Variants in FBXL7 observed in about 807,000 individuals in gnomAD.
FBXL7 encodes F-box/LRR-repeat protein 7.
A neutral mutation model predicts 38.3 loss-of-function variants in FBXL7; 12 were observed. The ratio of observed to expected loss-of-function variants is 0.31; its 90% CI spans 0.20 to 0.51. FBXL7 has a LOEUF of 0.51. FBXL7 is among the 20% of genes least tolerant of loss of function. The pLI is 0.98. For synonymous variants in FBXL7, 297 were observed against 300.9 expected, an observed-to-expected ratio of 0.99 and a Z score of 0.13; for missense variants, 567 against 676.4, an observed-to-expected ratio of 0.84 and a Z score of 1.79.
At position 15,928,765 on chromosome 5, in the gene FBXL7, A is replaced by G. The variant is rs925151490; in HGVS notation, c.739+264A>G. Among the ~76,000 whole-genome samples, 1 of 152,158 alleles carries G rather than the reference A, an allele frequency of 6.6e-6. No homozygotes were observed. Among genetic ancestry groups the G allele is most frequent in the Non-Finnish European group, 1.5e-5 (1 of 68,042 alleles). ...TTTAGGGTACATGTGCACAACGTGC[A>G]GGTTAGTTACATATGTATACATGTG... On this transcript the variant is annotated intron_variant, in intron 3 of 3. Coordinates refer to ENST00000504595, the MANE Select transcript of FBXL7 (RefSeq NM_012304.5). The surrounding 1 kb of genome is among the most constrained non-coding windows in gnomAD (Gnocchi z 4.0).
intron 2 of FBXL7, 31 bp downstream of exon 2, chr5:15,616,103 C>T (rs1253368871): frequency 6.7e-7 from 1 of 1,489,588 alleles, no homozygotes; most frequent in Admixed American, 1.7e-5. Flanking sequence ...ATCTCTCTTT[C>T]TTCTTCACAG....
intron 2 of FBXL7, among the ~76,000 whole-genome samples, chr5:15,903,540 G>A (rs950686964): frequency 1.3e-5 from 2 of 152,102 alleles, no homozygotes; most frequent in African/African-American, 4.8e-5. Flanking sequence ...TATGCTTTTA[G>A]TTCTTAATTT....
At chr5:15,626,467 G>A (rs558971750) in intron 2 of FBXL7, among the ~76,000 whole-genome samples, 20 of 152,054 alleles carry the variant, frequency 1.3e-4, no homozygotes, top group African/African-American at 4.6e-4. Flanking sequence ...TTAATTTCTT[G>A]AGGGAATTAT....
At chr5:15,607,945 G>T (rs544608718) in intron 1 of FBXL7, among the ~76,000 whole-genome samples, 2 of 152,266 alleles carry the variant, frequency 1.3e-5, no homozygotes, top group South Asian at 4.1e-4. Context: ...TTACTTTACC[G>T]AATCTGACCA....
intron 2 of FBXL7, among the ~76,000 whole-genome samples, chr5:15,637,302 C>G (rs1741218385): frequency 6.6e-6 from 1 of 152,156 alleles, no homozygotes; most frequent in African/African-American, 2.4e-5. Flanking sequence ...ATGGCAGGCA[C>G]AGAGTCCAGG....
chr5:15,753,997 A>T (rs1286402789), intron 2 of FBXL7, among the ~76,000 whole-genome samples: 1 of 152,224 alleles, frequency 6.6e-6, no homozygotes, highest in African/African-American at 2.4e-5. Flanking sequence ...TCATCTACAA[A>T]AAGTGTTGGA....
intron 2 of FBXL7, among the ~76,000 whole-genome samples, chr5:15,696,577 C>T (rs1384921889): frequency 6.6e-6 from 1 of 152,176 alleles, no homozygotes; most frequent in African/African-American, 2.4e-5. Flanking sequence ...CCAACCTTGC[C>T]CAGCTTCCTT....
At chr5:15,594,248 G>A (rs1355541678) in intron 1 of FBXL7, among the ~76,000 whole-genome samples, 1 of 152,132 alleles carries the variant, frequency 6.6e-6, no homozygotes. Context: ...TCACATCTTG[G>A]TTTTCCAGGC....
At chr5:15,581,660 T>C (rs933428834) in intron 1 of FBXL7, among the ~76,000 whole-genome samples, 1 of 152,216 alleles carries the variant, frequency 6.6e-6, no homozygotes, top group Non-Finnish European at 1.5e-5. Flanking sequence ...CTGATGCAGC[T>C]GCAAGATTCT....
intron 1 of FBXL7, among the ~76,000 whole-genome samples, chr5:15,554,051 G>A (rs1580367324): frequency 2.0e-5 from 3 of 152,170 alleles, no homozygotes; most frequent in Admixed American, 2.0e-4. Context: ...ATTCCTGGGG[G>A]AGAGAGAGAA....
chr5:15,784,789 C>G (rs776928320), intron 2 of FBXL7, among the ~76,000 whole-genome samples: 5 of 152,170 alleles, frequency 3.3e-5, no homozygotes, highest in Non-Finnish European at 7.3e-5. Flanking sequence ...CTTGTACAGC[C>G]TGCAGAACCA....
At chr5:15,707,268 C>T (rs1242375493) in intron 2 of FBXL7, among the ~76,000 whole-genome samples, 1 of 149,160 alleles carries the variant, frequency 6.7e-6, no homozygotes, top group Non-Finnish European at 1.5e-5. Context: ...CAGAACAGCC[C>T]TGAGGGCTGC....
intron 2 of FBXL7, among the ~76,000 whole-genome samples, chr5:15,691,433 A>C (rs1305330704): frequency 1.3e-5 from 2 of 152,190 alleles, no homozygotes; most frequent in Non-Finnish European, 2.9e-5. Context: ...TTTGCTCTAA[A>C]GTGCTAACCT....
At chr5:15,555,925 A>G (rs1012434082) in intron 1 of FBXL7, among the ~76,000 whole-genome samples, 1 of 152,014 alleles carries the variant, frequency 6.6e-6, no homozygotes, top group Non-Finnish European at 1.5e-5. Context: ...CAGAGAAACA[A>G]CCAGTAGGAT....
chr5:15,508,291 G>A lies in FBXL7; in HGVS notation c.37+7578G>A, dbSNP rs540238165. Among the ~76,000 whole-genome samples the A allele has an allele frequency of 2.0e-5, 3 of 152,322 alleles. No individual in the cohort carries two copies. The East Asian group carries it at 5.8e-4, about 29-fold the overall frequency. ...ACTCACAGTACAGGTTCTACTCAAT[G>A]CATGGGCTTTTGCACTATGGTAAAG... On this transcript the variant is annotated intron_variant, in intron 1 of 3. Transcript: ENST00000504595.
At chr5:15,847,655 A>G (rs1254518069) in intron 2 of FBXL7, among the ~76,000 whole-genome samples, 1 of 152,186 alleles carries the variant, frequency 6.6e-6, no homozygotes, top group Non-Finnish European at 1.5e-5. Flanking sequence ...GACCTTGCAG[A>G]TATCAGAAAG....
intron 2 of FBXL7, among the ~76,000 whole-genome samples, chr5:15,618,806 G>A (rs983876163): frequency 6.6e-6 from 1 of 152,166 alleles, no homozygotes; most frequent in African/African-American, 2.4e-5. Flanking sequence ...GGCCTATCCC[G>A]ACGGGTCTAT....
chr5:15,548,100 A>G (rs1187837052), intron 1 of FBXL7, among the ~76,000 whole-genome samples: 2 of 152,200 alleles, frequency 1.3e-5, no homozygotes, highest in Non-Finnish European at 2.9e-5. Context: ...TAAATCAACA[A>G]TAGACTATCT....
chr5:15,505,993 C>T (rs116129394), intron 1 of FBXL7, among the ~76,000 whole-genome samples: 1,731 of 152,266 alleles, frequency 0.011, 18 homozygotes, highest in Middle Eastern at 0.051. Context: ...CATGGTGGCT[C>T]TAACTTTTAC....
Sources: gnomAD v4.1 joint callset for allele counts (sites outside exome capture counted in the v4.1 genomes callset) on GRCh38, gnomAD v4.1.1 for gene constraint, Gnocchi (gnomAD v3.1) non-coding constraint, MANE v1.5 for transcripts, NCBI Gene and HGNC (gene_info 2026-07-23, HGNC 2026-07-21) for gene names.